RALYL: variants seen among roughly 807,000 people sequenced by gnomAD.
RALYL encodes the protein RALY RNA binding protein like, also known as RNA-binding Raly-like protein.
A neutral mutation model predicts 35.1 loss-of-function variants in RALYL; 29 were observed. That is an observed-to-expected ratio of 0.83 (90% CI 0.61 to 1.13). The LOEUF (loss-of-function observed/expected upper bound fraction) is 1.13. Ranked by LOEUF, RALYL falls within the 50% of genes most tolerant of loss-of-function variation. The pLI is 0.00. For synonymous variants in RALYL, 120 were observed against 127.6 expected, an observed-to-expected ratio of 0.94 and a Z score of 0.40; for missense variants, 359 against 360.4, an observed-to-expected ratio of 1.00 and a Z score of 0.03.
intron 2 of RALYL, among the ~76,000 whole-genome samples, chr8:84,716,040 T>C (rs1842905779): frequency 1.3e-5 from 2 of 152,092 alleles, no homozygotes; most frequent in African/African-American, 4.8e-5. Context: ...CATTGGAAAA[T>C]GTTATATTTC....
chr8:84,479,022 CTTGCAGTGAACCGAGA>C (rs888531914), intron 1 of RALYL, among the ~76,000 whole-genome samples: 5 of 121,918 alleles, frequency 4.1e-5, no homozygotes, highest in African/African-American at 1.5e-4. Context: ...GGAGGCGGAG[CTTGCAGTGAACCGAGA>C]TTGCACCACT....
At chr8:84,426,398 C>T (rs2046434305) in intron 1 of RALYL, among the ~76,000 whole-genome samples, 1 of 151,042 alleles carries the variant, frequency 6.6e-6, no homozygotes. Context: ...CTCCTGCCTC[C>T]TGCCCCTTGT....
At chr8:84,523,457 A>G (rs575678927) in intron 1 of RALYL, among the ~76,000 whole-genome samples, 24 of 152,096 alleles carry the variant, frequency 1.6e-4, no homozygotes, top group Middle Eastern at 3.4e-3. Context: ...CACAAGGACA[A>G]TCCATATCAC....
At chr8:84,524,527 T>C (rs570428186) in intron 1 of RALYL, among the ~76,000 whole-genome samples, 1 of 152,302 alleles carries the variant, frequency 6.6e-6, no homozygotes, top group South Asian at 2.1e-4. Flanking sequence ...GTAAGTGTCT[T>C]AGTGACTCTA....
At chr8:84,417,059 A>C (rs1272012960) in intron 1 of RALYL, among the ~76,000 whole-genome samples, 5 of 151,720 alleles carry the variant, frequency 3.3e-5, no homozygotes, top group Middle Eastern at 3.4e-3. Flanking sequence ...TACCTTATGC[A>C]TGGTGCAGTG....
chr8:84,556,632 ATT>A (rs1432143366), intron 2 of RALYL, among the ~76,000 whole-genome samples: 1 of 152,206 alleles, frequency 6.6e-6, no homozygotes, highest in African/African-American at 2.4e-5. Flanking sequence ...AGACAGAGTT[ATT>A]TCTCTTTCCT....
At chr8:84,536,601 C>T (rs2059621824) in intron 2 of RALYL, among the ~76,000 whole-genome samples, 2 of 152,084 alleles carry the variant, frequency 1.3e-5, no homozygotes. Flanking sequence ...AGCACATGAA[C>T]CTTATGGAGA....
At chr8:84,388,677 T>G (rs938519356) in intron 1 of RALYL, among the ~76,000 whole-genome samples, 2 of 152,260 alleles carry the variant, frequency 1.3e-5, no homozygotes, top group African/African-American at 4.8e-5. Flanking sequence ...CGCCCACTTT[T>G]TGATGGGGTT....
At chr8:84,789,403 T>C (rs565027334) in intron 3 of RALYL, among the ~76,000 whole-genome samples, 38 of 152,382 alleles carry the variant, frequency 2.5e-4, no homozygotes, top group African/African-American at 8.9e-4. Context: ...ACACTTATGA[T>C]ACTGTGAGAA....
At chr8:84,560,405 G>C (rs1265298134) in intron 2 of RALYL, among the ~76,000 whole-genome samples, 1 of 151,986 alleles carries the variant, frequency 6.6e-6, no homozygotes, top group Non-Finnish European at 1.5e-5. Flanking sequence ...ACTATCCAGA[G>C]CCATGGGTAT....
At chr8:84,619,962 C>A (rs1368644311) in intron 2 of RALYL, among the ~76,000 whole-genome samples, 4 of 134,496 alleles carry the variant, frequency 3.0e-5, no homozygotes, top group Admixed American at 1.5e-4. Flanking sequence ...CTGAGAGATC[C>A]GCTGTTAGTC....
chr8:84,875,951 CAGG>C lies in RALYL; in HGVS notation c.685+2556_685+2558del, dbSNP rs200295450. ...AAATTTTCCAGCAGAGAAATAATGG[CAGG>C]AAGGAGATGGAGAATCTGAAAGTGT... On this transcript the variant is annotated intron_variant, in intron 7 of 8. Transcript: ENST00000521268. Among the ~76,000 whole-genome samples, 153 of 152,166 alleles carry C rather than the reference CAGG, an allele frequency of 1.0e-3. 1 individual carries two copies. In the East Asian group the frequency reaches 0.02, roughly 20 times the overall value.
intron 2 of RALYL, among the ~76,000 whole-genome samples, chr8:84,572,457 T>C (rs1257035494): frequency 6.6e-6 from 1 of 151,752 alleles, no homozygotes; most frequent in Non-Finnish European, 1.5e-5. Flanking sequence ...CTTTTAGAAC[T>C]CCTTTGAGTA....
intron 8 of RALYL, among the ~76,000 whole-genome samples, chr8:84,896,403 G>A (rs919289272): frequency 6.6e-5 from 10 of 152,136 alleles, no homozygotes; most frequent in African/African-American, 1.7e-4. Context: ...CCCTGCTTCT[G>A]GCCTTAGTCT....
chr8:84,458,119 C>A (rs1407592758), intron 1 of RALYL, among the ~76,000 whole-genome samples: 1 of 151,842 alleles, frequency 6.6e-6, no homozygotes, highest in Non-Finnish European at 1.5e-5. Flanking sequence ...TTGACCTCAA[C>A]TTAATTCTTT....
chr8:84,755,397 G>A (rs190211819), intron 2 of RALYL, among the ~76,000 whole-genome samples: 2 of 152,292 alleles, frequency 1.3e-5, no homozygotes, highest in Admixed American at 1.3e-4. Flanking sequence ...CAAATAAAAT[G>A]ATGTGTAGCA....
chr8:84,619,103 A>G (rs1478062423), intron 2 of RALYL, among the ~76,000 whole-genome samples: 4 of 151,378 alleles, frequency 2.6e-5, no homozygotes, highest in Non-Finnish European at 4.4e-5. Context: ...GTAGATGTCT[A>G]TTAGGTCCAC....
chr8:84,516,252 CAT>C (rs201043463), intron 1 of RALYL, among the ~76,000 whole-genome samples: 164 of 105,498 alleles, frequency 1.6e-3, no homozygotes, highest in Admixed American at 6.9e-3. Flanking sequence ...GACATATACA[CAT>C]AGAGTTTATA....
At chr8:84,271,170 A>C (rs1563644688) in intron 1 of RALYL, among the ~76,000 whole-genome samples, 1 of 152,156 alleles carries the variant, frequency 6.6e-6, no homozygotes, top group Non-Finnish European at 1.5e-5. Context: ...ACATTTAAAA[A>C]AAAAACAGGT....
Sources: gnomAD v4.1 joint callset for allele counts (sites outside exome capture counted in the v4.1 genomes callset) on GRCh38, gnomAD v4.1.1 for gene constraint, MANE v1.5 for transcripts, NCBI Gene and HGNC (gene_info 2026-07-23, HGNC 2026-07-21) for gene names.